CREB1: variants seen among roughly 807,000 people sequenced by gnomAD.
CREB1 encodes cAMP responsive element binding protein 1, also known as cyclic AMP-responsive element-binding protein 1.
In CREB1, 2 loss-of-function variants were observed where a neutral mutation model predicts 42.0. That is an observed-to-expected ratio of 0.05 (90% CI 0.02 to 0.15). CREB1 has a LOEUF of 0.15. CREB1 is among the 10% of genes least tolerant of loss of function. The pLI is 1.00. For missense variants in CREB1, 199 were observed against 388.9 expected, an observed-to-expected ratio of 0.51 and a Z score of 4.11; for synonymous variants, 123 against 139.9, an observed-to-expected ratio of 0.88 and a Z score of 0.85.
intron 7 of CREB1, among the ~76,000 whole-genome samples, chr2:207,588,476 T>C (rs1442635668): frequency 6.6e-6 from 1 of 152,196 alleles, no homozygotes; most frequent in Non-Finnish European, 1.5e-5. Context: ...CCTCCAACTT[T>C]GTTCTTAAAA....
intron 1 of CREB1, among the ~76,000 whole-genome samples, chr2:207,553,592 T>TA (rs1270892281): frequency 6.6e-6 from 1 of 152,200 alleles, no homozygotes; most frequent in Non-Finnish European, 1.5e-5. Flanking sequence ...TAATTTCATA[T>TA]AAAAAAGTAT....
chr2:207,574,019 CT>C (rs1176513572), intron 5 of CREB1, among the ~76,000 whole-genome samples: 2 of 152,184 alleles, frequency 1.3e-5, no homozygotes, highest in Non-Finnish European at 2.9e-5. Context: ...AGTAAAACTT[CT>C]GGGATTAGCT....
chr2:207,577,477 CT>C, intron 6 of CREB1, 27 bp from the exon 7 acceptor site: 1 of 1,612,072 alleles, frequency 6.2e-7, no homozygotes, highest in Admixed American at 1.7e-5. Flanking sequence ...ATGTTTCTGT[CT>C]TACACCATGC....
chr2:207,586,137 C>T (rs879904644), intron 7 of CREB1, among the ~76,000 whole-genome samples: 2 of 152,166 alleles, frequency 1.3e-5, no homozygotes. Flanking sequence ...ATAGCCAAAG[C>T]ATTCCTGAAC....
intron 7 of CREB1, among the ~76,000 whole-genome samples, chr2:207,596,488 C>A (rs534782740): frequency 4.5e-4 from 68 of 152,346 alleles, no homozygotes; most frequent in African/African-American, 1.6e-3. Flanking sequence ...GGCTGGAGTG[C>A]AGTGGCGCAA....
chr2:207,538,227 T>A (rs1429133484), intron 1 of CREB1, among the ~76,000 whole-genome samples: 1 of 151,838 alleles, frequency 6.6e-6, no homozygotes, highest in Non-Finnish European at 1.5e-5. Context: ...ACCAGAAAGA[T>A]GTTAGCTTAG....
At chr2:207,577,918 A>T in intron 7 of CREB1, 1 of 435,684 alleles carries the variant, frequency 2.3e-6, no homozygotes, top group Non-Finnish European at 4.3e-6. Context: ...CAACTTCCCT[A>T]TGTCTGCACT....
In CREB1 at chr2:207,578,265, T is replaced by C. The variant is rs376886354; in HGVS notation, c.839+610T>C. On this transcript the variant is annotated intron_variant, in intron 7 of 7. Transcript: ENST00000353267. Reference sequence around the variant, plus strand: ...TAAAGCAATTCTCAGAAAGTAACTTTATTGCTGTAAATGATTTTGCCGTCA... The same window carrying C: ...TAAAGCAATTCTCAGAAAGTAACTTCATTGCTGTAAATGATTTTGCCGTCA... 1.1e-4 allele frequency among the ~76,000 whole-genome samples: 17 copies of C among 152,284 alleles called. No individual in the cohort carries two copies. The East Asian group carries it at 2.3e-3, about 21-fold the overall frequency.
At chr2:207,551,703 A>T (rs1196460185) in intron 1 of CREB1, among the ~76,000 whole-genome samples, 1 of 152,102 alleles carries the variant, frequency 6.6e-6, no homozygotes, top group South Asian at 2.1e-4. Flanking sequence ...TTACGTGGCC[A>T]TGTAATTATG....
chr2:207,543,746 G>T (rs1218482895), intron 1 of CREB1, among the ~76,000 whole-genome samples: 1 of 151,924 alleles, frequency 6.6e-6, no homozygotes, highest in Non-Finnish European at 1.5e-5. Flanking sequence ...GGGACTACAG[G>T]TGCATGCCAC....
At position 207,577,519 on chromosome 2, in the gene CREB1, G is replaced by A; in HGVS notation, c.703G>A (p.Val235Ile). 3.1e-6 allele frequency: 5 copies of A among 1,613,638 alleles called. No homozygotes were observed. The highest frequency in any genetic ancestry group is 3.4e-6 in the Non-Finnish European group (4 of 1,179,822). Residue 235 changes from valine (V) to isoleucine (I), a missense_variant, in exon 7 of 8, where the codon GTA (valine) becomes ATA (isoleucine). By Grantham distance (29) the Val-to-Ile change is conservative (BLOSUM62 3). Transcript: ENST00000353267. ...GTTTTTTTCAGCTGCCTCTGGAGAC[G>A]TACAAACATACCAGATTCGCACAGC... ...QVVVQAASGD[V>I]QTYQIRTAPT...
chr2:207,568,769 GAAATATGGTATGGTTCCTTTGTTTT>G (rs2082238378), intron 4 of CREB1, among the ~76,000 whole-genome samples: 1 of 152,052 alleles, frequency 6.6e-6, no homozygotes, highest in Non-Finnish European at 1.5e-5. Context: ...TTATTCATTT[GAAATATGGTATGGTTCCTTTGTTTT>G]TGGGTTCCAT....
chr2:207,574,823 T>C (rs1050717902), intron 5 of CREB1, among the ~76,000 whole-genome samples: 5 of 152,188 alleles, frequency 3.3e-5, no homozygotes, highest in African/African-American at 1.2e-4. Flanking sequence ...AAAACAACCA[T>C]TTATTGGGTG....
At position 207,602,932 on chromosome 2, in the gene CREB1, C is replaced by T. The variant is rs1340944500; in HGVS notation, c.*5874C>T. 4.6e-6 allele frequency: 1 copy of T among 215,998 alleles called. No individual in the cohort carries two copies. The highest frequency in any genetic ancestry group is 9.3e-6 in the Non-Finnish European group (1 of 107,290). 13.4% of individuals were successfully genotyped at this position (215,998 alleles called of 1,614,324 possible). ...AATTATTTCTAACCCAGATGTATCA[C>T]TTGAAACTTTTTAGAAGCAAAATAA... On this transcript the variant is annotated 3_prime_UTR_variant, in exon 8 of 8. Transcript: ENST00000353267.
At position 207,575,309 on chromosome 2, in the gene CREB1, C is replaced by T; in HGVS notation, c.543C>T (p.Asn181=). ...ITQGGAIQLA[N]NGTDGVQGLQ... ...AGGGAGGAGCAATACAGCTGGCTAA[C>T]AATGGTACCGATGGGGTACAGGGCC... is the stretch of plus-strand genomic sequence containing the variant. The change falls in exon 6 of 8, where the codon AAC becomes AAT. Residue 181 remains asparagine, a synonymous_variant. Transcript: ENST00000353267. 1 of 1,614,044 alleles carries T rather than the reference C, an allele frequency of 6.2e-7. No homozygotes were observed. Among genetic ancestry groups the T allele is most frequent in the Non-Finnish European group, 8.5e-7 (1 of 1,179,972 alleles).
chr2:207,578,678 T>G (rs567657796), intron 7 of CREB1, among the ~76,000 whole-genome samples: 3 of 152,326 alleles, frequency 2.0e-5, no homozygotes, highest in African/African-American at 7.2e-5. Flanking sequence ...ATCAGCTTTT[T>G]TGTTCCTAAA....
At chr2:207,587,478 A>G (rs537289344) in intron 7 of CREB1, among the ~76,000 whole-genome samples, 1 of 152,332 alleles carries the variant, frequency 6.6e-6, no homozygotes, top group East Asian at 1.9e-4. Context: ...CTGGGTATCT[A>G]TTCAAAAGAA....
At chr2:207,567,759 C>A in intron 4 of CREB1, 196 bp downstream of exon 4, 1 of 386,940 alleles carries the variant, frequency 2.6e-6, no homozygotes, top group East Asian at 4.0e-5. Flanking sequence ...TCTCACCAGT[C>A]CTAATTTTTT....
At chr2:207,536,278 C>T (rs556100141) in intron 1 of CREB1, among the ~76,000 whole-genome samples, 6 of 152,160 alleles carry the variant, frequency 3.9e-5, no homozygotes, top group East Asian at 1.9e-4. Context: ...ATGGGCCAGT[C>T]GCGGTGGCTG....
Sources: gnomAD v4.1 joint callset for allele counts (sites outside exome capture counted in the v4.1 genomes callset) on GRCh38, gnomAD v4.1.1 for gene constraint, MANE v1.5 for transcripts, NCBI Gene and HGNC (gene_info 2026-07-23, HGNC 2026-07-21) for gene names.